Variants in SLC25A21 observed in about 807,000 individuals in gnomAD.
The protein encoded by SLC25A21 is mitochondrial 2-oxodicarboxylate carrier.
Under a neutral mutation model 43.8 loss-of-function variants are expected in SLC25A21, and 47 were observed. That is an observed-to-expected ratio of 1.07 (90% confidence interval 0.85 to 1.37). The LOEUF is 1.37. Among genes scored for constraint, SLC25A21 ranks in the 40% most tolerant of loss-of-function variants. The pLI, the probability that SLC25A21 is intolerant of heterozygous loss-of-function variation, is 0.00. For synonymous variants in SLC25A21, 131 were observed against 121.3 expected, an observed-to-expected ratio of 1.08 and a Z score of -0.52; for missense variants, 352 against 350.2, an observed-to-expected ratio of 1.00 and a Z score of -0.04.
At chr14:36,766,280 T>C (rs1176765445) in intron 3 of SLC25A21, among the ~76,000 whole-genome samples, 1 of 152,194 alleles carries the variant, frequency 6.6e-6, no homozygotes, top group Non-Finnish European at 1.5e-5. Flanking sequence ...CCAGGGAAGG[T>C]ATTACTTTAT....
rs75097701 is a variant in SLC25A21 at position 36,871,615 on chromosome 14, T to C, written c.119+3341A>G. Among the ~76,000 whole-genome samples, 920 of 152,298 alleles carry C rather than the reference T, an allele frequency of 6.0e-3. 6 individuals carry two copies. Among genetic ancestry groups the C allele is most frequent in the Non-Finnish European group, 9.7e-3 (663 of 68,030 alleles). On this transcript the variant is annotated intron_variant, in intron 2 of 9. Coordinates refer to ENST00000331299, the MANE Select transcript of SLC25A21 (RefSeq NM_030631.4). ...CATACATGTACTATTTTGATAAATATTAAAATAAATAACATAAACCATAAA... is the reference window on the plus strand; with the variant it reads ...CATACATGTACTATTTTGATAAATACTAAAATAAATAACATAAACCATAAA...
chr14:36,758,252 T>G (rs1461550642), intron 3 of SLC25A21, among the ~76,000 whole-genome samples: 8 of 152,114 alleles, frequency 5.3e-5, no homozygotes, highest in Admixed American at 5.2e-4. Flanking sequence ...GAACTGGGGC[T>G]CTACATGATC....
chr14:37,002,971 T>C (rs80180155), intron 1 of SLC25A21, among the ~76,000 whole-genome samples: 1,890 of 152,314 alleles, frequency 0.012, 34 homozygotes, highest in East Asian at 0.092. Context: ...TCTTAGGGTA[T>C]ACCCAACAGA....
intron 1 of SLC25A21, among the ~76,000 whole-genome samples, chr14:37,141,910 G>A (rs1963578083): frequency 6.6e-6 from 1 of 152,160 alleles, no homozygotes; most frequent in South Asian, 2.1e-4. Context: ...CTCAGATAGA[G>A]CGACGTAAAA....
intron 1 of SLC25A21, among the ~76,000 whole-genome samples, chr14:37,083,693 C>T (rs1422038550): frequency 6.6e-6 from 1 of 152,216 alleles, no homozygotes. Flanking sequence ...CTGGAAGCAT[C>T]AGCAGCACCT....
At chr14:37,124,033 C>T (rs958836490) in intron 1 of SLC25A21, among the ~76,000 whole-genome samples, 11 of 148,308 alleles carry the variant, frequency 7.4e-5, no homozygotes, top group African/African-American at 1.5e-4. Context: ...TTTTTTGAGA[C>T]GGAGTCTCAC....
chr14:36,713,393 T>C (rs1036322133), intron 6 of SLC25A21, among the ~76,000 whole-genome samples: 1 of 151,106 alleles, frequency 6.6e-6, no homozygotes, highest in Non-Finnish European at 1.5e-5. Flanking sequence ...CTGACAAATA[T>C]TCAAGTGGCA....
chr14:37,144,231 G>A lies in SLC25A21; in HGVS notation c.70+28050C>T, dbSNP rs923886634. ...ATTAGGTGGTCTCTTTACCACTGGG[G>A]TGAAATATGGAAATGATTTATTTAA... On this transcript the variant is annotated intron_variant, in intron 1 of 9. Transcript: ENST00000331299. Among the ~76,000 whole-genome samples, 12 of 152,262 alleles carry A rather than the reference G, an allele frequency of 7.9e-5. No homozygotes were observed. The East Asian group carries it at 1.7e-3, about 22-fold the overall frequency.
At chr14:36,898,342 G>T (rs904815249) in intron 1 of SLC25A21, among the ~76,000 whole-genome samples, 4 of 152,164 alleles carry the variant, frequency 2.6e-5, no homozygotes, top group Admixed American at 2.0e-4. Flanking sequence ...CCAGGCACAG[G>T]ATATAATCTC....
chr14:36,936,086 C>T (rs1892416699), intron 1 of SLC25A21, among the ~76,000 whole-genome samples: 1 of 152,072 alleles, frequency 6.6e-6, no homozygotes, highest in Non-Finnish European at 1.5e-5. Flanking sequence ...AACCTCAGGC[C>T]AACAATCACA....
chr14:37,043,861 A>G (rs974867456), intron 1 of SLC25A21, among the ~76,000 whole-genome samples: 3 of 151,562 alleles, frequency 2.0e-5, no homozygotes, highest in Non-Finnish European at 1.5e-5. Context: ...CAGCCTCCCA[A>G]GTAGCTGGAA....
At chr14:37,056,430 G>T (rs941628357) in intron 1 of SLC25A21, among the ~76,000 whole-genome samples, 2 of 150,656 alleles carry the variant, frequency 1.3e-5, no homozygotes, top group African/African-American at 4.9e-5. Flanking sequence ...GGCGGAGTGT[G>T]CAGTGAGCCG....
chr14:37,100,902 G>C (rs1962805331), intron 1 of SLC25A21, among the ~76,000 whole-genome samples: 1 of 152,162 alleles, frequency 6.6e-6, no homozygotes, highest in African/African-American at 2.4e-5. Flanking sequence ...TGTAAACTTA[G>C]AATAGTGCCT....
intron 3 of SLC25A21, among the ~76,000 whole-genome samples, chr14:36,779,310 T>G (rs1216542098): frequency 6.9e-6 from 1 of 145,944 alleles, no homozygotes; most frequent in Non-Finnish European, 1.5e-5. Flanking sequence ...ATATTACATA[T>G]TCTTATATAT....
chr14:36,892,930 T>G (rs1313413986), intron 1 of SLC25A21, among the ~76,000 whole-genome samples: 1 of 152,212 alleles, frequency 6.6e-6, no homozygotes, highest in African/African-American at 2.4e-5. Flanking sequence ...TGCCACATTT[T>G]CTTAATCCAG....
chr14:37,110,256 A>T (rs1271882865), intron 1 of SLC25A21, among the ~76,000 whole-genome samples: 1 of 152,184 alleles, frequency 6.6e-6, no homozygotes, highest in Non-Finnish European at 1.5e-5. Context: ...CAGAGGCATT[A>T]GTTAGCCAGA....
intron 1 of SLC25A21, among the ~76,000 whole-genome samples, chr14:37,095,140 T>C (rs982583806): frequency 7.9e-5 from 12 of 152,226 alleles, no homozygotes; most frequent in Non-Finnish European, 1.3e-4. Flanking sequence ...AGTGGGAATT[T>C]TGTCTGTTTT....
At chr14:36,992,204 C>A (rs1960278632) in intron 1 of SLC25A21, among the ~76,000 whole-genome samples, 1 of 152,102 alleles carries the variant, frequency 6.6e-6, no homozygotes, top group Admixed American at 6.5e-5. Flanking sequence ...ATAAAACTCC[C>A]ATGTGGACAG....
rs1008822604 is a variant in SLC25A21, at chr14:36,972,851, G to A, written c.71-97847C>T. On this transcript the variant is annotated intron_variant, in intron 1 of 9. Coordinates refer to ENST00000331299, the MANE Select transcript of SLC25A21 (RefSeq NM_030631.4). ...GTTTTTTGTTGTTTGTTTGTTTTGA[G>A]ACAAAGACAAGGTCTCTCTCATGCA... 2.6e-5 allele frequency among the ~76,000 whole-genome samples: 4 copies of A among 151,874 alleles called. No homozygotes were observed. The East Asian group carries it at 7.7e-4, about 29-fold the overall frequency.
Sources: gnomAD v4.1 joint callset for allele counts (sites outside exome capture counted in the v4.1 genomes callset) on GRCh38, gnomAD v4.1.1 for gene constraint, MANE v1.5 for transcripts, NCBI Gene and HGNC (gene_info 2026-07-23, HGNC 2026-07-21) for gene names.